The following MYO5B variants were observed in gnomAD, a reference collection of about 807,000 sequenced individuals.
The protein encoded by MYO5B is unconventional myosin-Vb.
MYO5B carries 143 observed loss-of-function variants against 229.3 expected under a neutral mutation model. That is an observed-to-expected ratio of 0.62 (90% confidence interval 0.54 to 0.72). MYO5B has a LOEUF of 0.72. MYO5B is among the 30% of genes least tolerant of loss of function. MYO5B has a pLI of 0.00. For synonymous variants in MYO5B, 918 were observed against 885.2 expected, an observed-to-expected ratio of 1.04 and a Z score of -0.66; for missense variants, 2,321 against 2,331.0, an observed-to-expected ratio of 1.00 and a Z score of 0.09.
chr18:49,895,153 A>G lies in MYO5B; in HGVS notation c.2833T>C (p.Ser945Pro). 1 of 1,614,106 alleles carries G rather than the reference A, an allele frequency of 6.2e-7. No homozygotes were observed. Reference protein sequence around the residue: ...DEQNKEFKTLSEQLSVTTSTY... With the variant: ...DEQNKEFKTLPEQLSVTTSTY... Reference sequence around the variant, plus strand: ...GAGGTGGTCACGGACAACTGCTCTGAAAGTGTCTTGAACTCTTTGTTCTGT... The same window carrying G: ...GAGGTGGTCACGGACAACTGCTCTGGAAGTGTCTTGAACTCTTTGTTCTGT... Residue 945 changes from serine to proline, a missense_variant, in exon 22 of 40, where the codon TCA (serine) becomes CCA (proline). Physicochemically the swap from Ser to Pro is moderately conservative, Grantham distance 74. Transcript: ENST00000285039.
At chr18:50,185,506 T>A (rs1172978177) in intron 1 of MYO5B, among the ~76,000 whole-genome samples, 1 of 152,212 alleles carries the variant, frequency 6.6e-6, no homozygotes, top group Non-Finnish European at 1.5e-5. Flanking sequence ...TTTATTAGTA[T>A]GTTCAAAAAA....
chr18:49,884,836 A>G (rs1393230682), intron 22 of MYO5B, among the ~76,000 whole-genome samples: 1 of 152,222 alleles, frequency 6.6e-6, no homozygotes, highest in African/African-American at 2.4e-5. Context: ...AAGAACTGAA[A>G]TAGACATTTC....
intron 1 of MYO5B, among the ~76,000 whole-genome samples, chr18:50,067,612 C>T (rs2030854134): frequency 6.6e-6 from 1 of 152,170 alleles, no homozygotes; most frequent in Admixed American, 6.5e-5. Context: ...AGTGAGTTCT[C>T]ACTCTTAGTT....
intron 1 of MYO5B, among the ~76,000 whole-genome samples, chr18:50,104,559 A>G (rs1384581789): frequency 6.6e-6 from 1 of 152,140 alleles, no homozygotes. Flanking sequence ...TTGGGGATGA[A>G]GAGTAATGAT....
chr18:49,916,934 A>C (rs1006669690), intron 17 of MYO5B, among the ~76,000 whole-genome samples: 9 of 152,200 alleles, frequency 5.9e-5, no homozygotes, highest in Non-Finnish European at 8.8e-5. Context: ...TTCTTTTTCC[A>C]AAAATAGAAC....
At chr18:50,040,943 G>A (rs112186878) in intron 2 of MYO5B, among the ~76,000 whole-genome samples, 4 of 152,210 alleles carry the variant, frequency 2.6e-5, no homozygotes, top group African/African-American at 9.6e-5. Context: ...TTAGCACTTG[G>A]ACAACATTAA....
intron 5 of MYO5B, among the ~76,000 whole-genome samples, chr18:49,992,658 G>A (rs1598936971): frequency 6.6e-6 from 1 of 152,154 alleles, no homozygotes; most frequent in South Asian, 2.1e-4. Flanking sequence ...GAGTTCATTG[G>A]TGGGGTCTTC....
At chr18:50,093,205 C>G (rs768520184) in intron 1 of MYO5B, among the ~76,000 whole-genome samples, 1,381 of 92,794 alleles carry the variant, frequency 0.015, 17 homozygotes, top group African/African-American at 0.069. Flanking sequence ...CACACACACA[C>G]AGACACACAC....
At position 50,062,019 on chromosome 18, in the gene MYO5B, T is replaced by C. The variant is rs552800360; in HGVS notation, c.28-6641A>G. ...TTTGCCCAAGTTGCCAAGAGCTTAGTCAAAAGCAGGCCTGGAGAAAAGATC... is the reference window on the plus strand; with the variant it reads ...TTTGCCCAAGTTGCCAAGAGCTTAGCCAAAAGCAGGCCTGGAGAAAAGATC... On this transcript the variant is annotated intron_variant, in intron 1 of 39. Coordinates refer to ENST00000285039, the MANE Select transcript of MYO5B (RefSeq NM_001080467.3). Among the ~76,000 whole-genome samples, 10 of 152,276 alleles carry C rather than the reference T, an allele frequency of 6.6e-5. No homozygotes were observed. In the East Asian group the frequency reaches 1.5e-3, roughly 23 times the overall value.
At chr18:50,100,017 C>T (rs2031625440) in intron 1 of MYO5B, among the ~76,000 whole-genome samples, 1 of 152,200 alleles carries the variant, frequency 6.6e-6, no homozygotes, top group Admixed American at 6.5e-5. Flanking sequence ...TTACCTCCCA[C>T]ATCACTATAG....
At chr18:49,940,528 C>A (rs938189925) in intron 14 of MYO5B, among the ~76,000 whole-genome samples, 2 of 152,182 alleles carry the variant, frequency 1.3e-5, no homozygotes, top group African/African-American at 4.8e-5. Flanking sequence ...CTTCTTGCAA[C>A]CTGACCTCAC....
chr18:50,143,745 G>A (rs2032454868), intron 1 of MYO5B, among the ~76,000 whole-genome samples: 1 of 152,122 alleles, frequency 6.6e-6, no homozygotes, highest in African/African-American at 2.4e-5. Context: ...TGTTCGGATG[G>A]GCACCATGAA....
At chr18:50,017,506 T>C (rs2026228814) in intron 4 of MYO5B, among the ~76,000 whole-genome samples, 1 of 152,226 alleles carries the variant, frequency 6.6e-6, no homozygotes, top group Admixed American at 6.5e-5. Flanking sequence ...AACAATATAA[T>C]ATCTCATTGT....
At chr18:50,068,594 G>C (rs1240065715) in intron 1 of MYO5B, among the ~76,000 whole-genome samples, 2 of 152,220 alleles carry the variant, frequency 1.3e-5, no homozygotes, top group African/African-American at 4.8e-5. Flanking sequence ...GAAGCACGCT[G>C]GTTCTGGACA....
At chr18:49,829,975 GA>G (rs2023894354) in intron 39 of MYO5B, among the ~76,000 whole-genome samples, 1 of 152,112 alleles carries the variant, frequency 6.6e-6, no homozygotes, top group Non-Finnish European at 1.5e-5. Flanking sequence ...ATCACACTCA[GA>G]AAGTTTTTCC....
chr18:50,161,714 C>T (rs1378493232), intron 1 of MYO5B, among the ~76,000 whole-genome samples: 2 of 152,168 alleles, frequency 1.3e-5, no homozygotes, highest in African/African-American at 2.4e-5. Flanking sequence ...AGACAGAGTC[C>T]CCACTATGGG....
intron 1 of MYO5B, among the ~76,000 whole-genome samples, chr18:50,179,946 C>T (rs902375506): frequency 3.9e-5 from 6 of 152,160 alleles, no homozygotes; most frequent in Admixed American, 3.9e-4. Context: ...ATGCGGGATG[C>T]TCTTCTCAAC....
At chr18:50,140,474 T>C (rs891643773) in intron 1 of MYO5B, among the ~76,000 whole-genome samples, 1 of 152,208 alleles carries the variant, frequency 6.6e-6, no homozygotes, top group Admixed American at 6.5e-5. Context: ...GTTTCTCACC[T>C]GGGCTAATGG....
At chr18:49,904,532 G>C in intron 20 of MYO5B, 140 bp downstream of exon 20, 3 of 1,029,716 alleles carry the variant, frequency 2.9e-6, no homozygotes, top group South Asian at 2.6e-5. Context: ...ACTTCAGAAA[G>C]GATTTGGTGA....
Sources: allele counts gnomAD v4.1 joint callset (sites outside exome capture counted in the v4.1 genomes callset), GRCh38; gene constraint gnomAD v4.1.1; transcripts MANE v1.5; gene names NCBI Gene and HGNC (gene_info 2026-07-23, HGNC 2026-07-21).